Variants in MUC4 observed in about 807,000 individuals in gnomAD.
MUC4 encodes mucin-4.
In MUC4, 202 loss-of-function variants were observed where a neutral mutation model predicts 257.9. That is an observed-to-expected ratio of 0.78 (90% CI 0.70 to 0.88). MUC4 has a LOEUF of 0.88. Ranked by LOEUF, MUC4 falls within the 40% of genes least tolerant of loss-of-function variation. MUC4 has a pLI of 0.00. For missense variants in MUC4, 5,976 were observed against 6,513.7 expected (o/e 0.92, Z 2.84); for synonymous variants, 2,351 against 2,757.1 (o/e 0.85, Z 4.62).
In MUC4 at chr3:195,765,091, G is replaced by T; in HGVS notation, c.13830C>A (p.Cys4610Ter). ...CGCCTCCTCGCCAAGAGGTGAAGCT[G>T]CACAGCTGCCTACTGCCGAGGCCCC... ...GRWGLGSRQL[C>*]SFTSWRGGVC... Residue 4610 changes from cysteine to a stop codon, truncating the protein, a stop_gained, in exon 10 of 25, where the codon TGC (cysteine) becomes TGA (stop). Coordinates refer to ENST00000463781, the MANE Select transcript of MUC4 (RefSeq NM_018406.7). LOFTEE classifies it high-confidence loss of function. 6.2e-7 allele frequency: 1 copy of T among 1,613,674 alleles called. No homozygotes were observed. The highest frequency in any genetic ancestry group is 8.5e-7 in the Non-Finnish European group (1 of 1,179,826).
At chr3:195,792,988 G>A (rs2149045944) in intron 1 of MUC4, among the ~76,000 whole-genome samples, 1 of 152,242 alleles carries the variant, frequency 6.6e-6, no homozygotes, top group South Asian at 2.1e-4. Flanking sequence ...GTCAGGGACG[G>A]GACAAGGGGA....
In MUC4 at chr3:195,782,178, G is replaced by A. The variant is rs1216191769; in HGVS notation, c.9402C>T (p.Ala3134=). The A allele has an allele frequency of 2.9e-6, 4 of 1,376,898 alleles. 1 individual carries two copies. In the African/African-American group the frequency reaches 6.0e-5, roughly 21 times the overall value. The allele number at this position is 1,376,898 out of a possible 1,614,324, so 85.3% of individuals were successfully genotyped here. A position where few individuals can be genotyped will look rare whatever the true frequency, so the allele number is the denominator to read the frequency against. The change falls in exon 2 of 25, where the codon GCC becomes GCT. Residue 3134 remains alanine (A), a synonymous_variant. Coordinates refer to ENST00000463781, the MANE Select transcript of MUC4 (RefSeq NM_018406.7). ...AAGTGCTGGTGACAGGAAGAGCGGT[G>A]GCCTGACCTGTGGATGCTGAGGAAG... ...TDTSSASTGQ[A]TALPVTSTSS...
At chr3:195,798,627 C>CT (rs1413518879) in intron 1 of MUC4, among the ~76,000 whole-genome samples, 4 of 114,810 alleles carry the variant, frequency 3.5e-5, no homozygotes, top group East Asian at 4.7e-4. Flanking sequence ...TGGCGTGAAC[C>CT]CGGGAGGCGG....
In MUC4 at chr3:195,747,187, C is replaced by T. The variant is rs746447120; in HGVS notation, c.16228G>A (p.Ala5410Thr). 4 of 1,614,164 alleles carry T rather than the reference C, an allele frequency of 2.5e-6. No homozygotes were observed. The highest frequency in any genetic ancestry group is 2.2e-5 in the East Asian group (1 of 44,904). ...RFSYFLNSAE[A>T]LP ...CCACAGCTGCCCCTTCAAGGCAAGG[C>T]CTCAGCTGAGTTCAGGAAATAGGAG... Residue 5410 changes from alanine (A) to threonine (T), a missense_variant, in exon 25 of 25, where the codon GCC becomes ACC. Transcript: ENST00000463781.
Position 195,788,251 on chromosome 3 carries a change from G to A in MUC4, c.3329C>T (p.Thr1110Ile), listed in dbSNP as rs202171964. 3.5e-6 allele frequency: 4 copies of A among 1,154,790 alleles called. No individual in the cohort carries two copies. In the African/African-American group the frequency reaches 9.7e-5, roughly 28 times the overall value. 71.5% of individuals were successfully genotyped at this position (1,154,790 alleles called of 1,614,324 possible). Residue 1110 changes from threonine (T) to isoleucine (I), a missense_variant, in exon 2 of 25, where the codon ACT (threonine) becomes ATT (isoleucine). Thr to Ile is a moderately conservative substitution (Grantham distance 89). Around this residue, in one of 44 missense-constraint regions of MUC4, gnomAD observed 68 missense variants for 90.4 expected, o/e 0.75. Transcript: ENST00000463781. The part of the protein sequence containing the change: ...GHATSLPVTD[T>I]SSVSTGHTTP... ...GGTGTGACCTGTGGATACTGAGGAA[G>A]TGTCGGTGACAGGAAGAGAGGTGGC...
rs755248886 is a variant in MUC4 at position 195,765,279 on chromosome 3, C to T, written c.13789G>A (p.Val4597Ile). Residue 4597 changes from valine (V) to isoleucine (I), a missense_variant, in exon 9 of 25, where the codon GTC becomes ATC. Around this residue, in one of 44 missense-constraint regions of MUC4, gnomAD observed 996 missense variants for 1,137.3 expected, o/e 0.88. Coordinates refer to ENST00000463781, the MANE Select transcript of MUC4 (RefSeq NM_018406.7). ...GGGAAGGAGGTGTCACCTATGCTGA[C>T]GGGTTGGAATCGTAAGTCCCGTCGT... ...QGRRDLRFQP[V>I]SIGRWGLGSR... 9.9e-6 allele frequency: 16 copies of T among 1,611,584 alleles called. No individual in the cohort carries two copies. In the Admixed American group the frequency reaches 1.3e-4, roughly 13 times the overall value.
intron 7 of MUC4, among the ~76,000 whole-genome samples, chr3:195,768,726 T>C (rs935922213): frequency 6.6e-6 from 1 of 152,162 alleles, no homozygotes; most frequent in Non-Finnish European, 1.5e-5. Context: ...ATCACGATAT[T>C]TGAGAAGGTA....
Position 195,783,073 on chromosome 3 carries a change from G to T in MUC4, c.8507C>A (p.Thr2836Asn), listed in dbSNP as rs1157021637. The T allele has an allele frequency of 1.3e-6, 1 of 753,174 alleles. No individual in the cohort carries two copies. Among genetic ancestry groups the T allele is most frequent in the Admixed American group, 3.1e-5 (1 of 32,260 alleles). The allele number at this position is 753,174 out of a possible 1,614,324, so 46.7% of individuals were successfully genotyped here. A position where few individuals can be genotyped will look rare whatever the true frequency, so the allele number is the denominator to read the frequency against. ...FTGHATSLPV[T>N]IPSSASSGHT... is the part of the protein sequence containing the mutation. ...ACCTGAGGATGCTGAGGAAGGGATG[G>T]TGACAGGAAGAGAGGTGGCATGACC... Residue 2836 changes from threonine (T) to asparagine (N), a missense_variant, in exon 2 of 25, where the codon ACC becomes AAC. Thr to Asn is a moderately conservative substitution (Grantham distance 65). This residue lies in a region of MUC4 where 228 missense variants were observed against 206.3 expected (regional missense o/e 1.11). Transcript: ENST00000463781.
At chr3:195,758,571 A>ATTTTTTTTTTTTTTT (rs1553854547) in intron 17 of MUC4, among the ~76,000 whole-genome samples, 8 of 34,296 alleles carry the variant, frequency 2.3e-4, no homozygotes, top group African/African-American at 7.9e-4. Context: ...TGATCTTCAA[A>ATTTTTTTTTTTTTTT]TCTTTTTTTT....
At chr3:195,776,045 A>C (rs113097156) in intron 3 of MUC4, among the ~76,000 whole-genome samples, 9,356 of 15,402 alleles carry the variant, frequency 0.61, 3,853 homozygotes, top group African/African-American at 0.91. Context: ...CACGGCCATA[A>C]CTTCCACACC....
At chr3:195,760,640 C>CTGGGAAGGCGTCCAGCACTAGGATGGAT (rs1718680599) in intron 16 of MUC4, among the ~76,000 whole-genome samples, 1 of 33,072 alleles carries the variant, frequency 3.0e-5, no homozygotes, top group Non-Finnish European at 8.0e-5. Context: ...CTAGGATGGA[C>CTGGGAAGGCGTCCAGCACTAGGATGGAT]GGAGGGGGCT....
intron 1 of MUC4, among the ~76,000 whole-genome samples, chr3:195,799,680 T>C (rs1316047731): frequency 6.6e-6 from 1 of 152,260 alleles, no homozygotes; most frequent in Non-Finnish European, 1.5e-5. Flanking sequence ...ATTTCCAATG[T>C]ATTGCTTATT....
In MUC4 at chr3:195,755,973, A is replaced by G. The variant is rs1360867619; in HGVS notation, c.15168+1174T>C. On this transcript the variant is annotated intron_variant, in intron 18 of 24. Transcript: ENST00000463781. The surrounding 1 kb of genome is among the most constrained non-coding windows in gnomAD (Gnocchi z 5.0). The stretch of plus-strand genomic sequence containing the variant: ...TTCCTTTACAACCAAAAATAAAAAT[A>G]AAAAAGCAGATAGGACAAGAGTCGT... 1.3e-5 allele frequency among the ~76,000 whole-genome samples: 2 copies of G among 152,208 alleles called. No individual in the cohort carries two copies.
intron 7 of MUC4, among the ~76,000 whole-genome samples, chr3:195,767,543 T>TCACCATCACCATCAC (rs1721056216): frequency 9.9e-5 from 7 of 70,374 alleles, no homozygotes; most frequent in Admixed American, 2.8e-4. Context: ...ACCACCATCA[T>TCACCATCACCATCAC]CACCATCACC....
intron 21 of MUC4, 194 bp downstream of exon 21, chr3:195,752,179 T>G: frequency 3.4e-6 from 2 of 596,902 alleles, no homozygotes; most frequent in Non-Finnish European, 5.9e-6. Context: ...CTGCTTATGA[T>G]GAGTCGAGGT....
At chr3:195,799,871 T>G (rs1735075258) in intron 1 of MUC4, among the ~76,000 whole-genome samples, 1 of 152,220 alleles carries the variant, frequency 6.6e-6, no homozygotes, top group African/African-American at 2.4e-5. Context: ...TTTACAGACC[T>G]GTTGGCAGTG....
At chr3:195,757,000 G>A (rs1446019514) in intron 18 of MUC4, 147 bp downstream of exon 18, 1 of 789,348 alleles carries the variant, frequency 1.3e-6, no homozygotes, top group Non-Finnish European at 2.0e-6. Flanking sequence ...TGTGGCCTGA[G>A]ACTGGAATCT....
In MUC4 at chr3:195,782,961, C is replaced by G. The variant is rs199909366; in HGVS notation, c.8619G>C (p.Val2873=). 1 of 930,082 alleles carries G rather than the reference C, an allele frequency of 1.1e-6. No homozygotes were observed. Among genetic ancestry groups the G allele is most frequent in the Non-Finnish European group, 1.3e-6 (1 of 746,316 alleles). 57.6% of individuals were successfully genotyped at this position (930,082 alleles called of 1,614,324 possible). Reference sequence around the variant, plus strand: ...GAAGAGGGGTGGCATGACCTGTGGACACTGAGGAAGCGTCGGTGACAGGAA... The same window carrying G: ...GAAGAGGGGTGGCATGACCTGTGGAGACTGAGGAAGCGTCGGTGACAGGAA... ...TSLPVTDASS[V]STGHATPLPV... Residue 2873 remains valine (V), a synonymous_variant, in exon 2 of 25, where the codon GTG becomes GTC. Coordinates refer to ENST00000463781, the MANE Select transcript of MUC4 (RefSeq NM_018406.7).
Position 195,781,147 on chromosome 3 carries a change from G to T in MUC4, c.10433C>A (p.Pro3478His). The stretch of plus-strand genomic sequence containing the variant: ...GGTGTGACCTGTAGATGCTGAGGAA[G>T]GGCTGGTGACAGGAAGAGGGGTGGT... ...GDTTPLPVTS[P>H]SSASTGHTTP... The change falls in exon 2 of 25, where the codon CCT becomes CAT. Residue 3478 changes from proline to histidine, a missense_variant. By Grantham distance (77) the Pro-to-His change is moderately conservative. Coordinates refer to ENST00000463781, the MANE Select transcript of MUC4 (RefSeq NM_018406.7). 1 of 1,068,150 alleles carries T rather than the reference G, an allele frequency of 9.4e-7. No individual in the cohort carries two copies. Among genetic ancestry groups the T allele is most frequent in the Non-Finnish European group, 1.2e-6 (1 of 826,076 alleles). The allele number at this position is 1,068,150 out of a possible 1,614,324, so 66.2% of individuals were successfully genotyped here.
Sources: gnomAD v4.1 joint callset for allele counts (sites outside exome capture counted in the v4.1 genomes callset) on GRCh38, gnomAD v4.1.1 for gene constraint, gnomAD v4.1.1 regional missense constraint, Gnocchi (gnomAD v3.1) non-coding constraint, MANE v1.5 for transcripts, NCBI Gene and HGNC (gene_info 2026-07-23, HGNC 2026-07-21) for gene names.